The following LRFN2 variants were observed in gnomAD, a reference collection of about 807,000 sequenced individuals.
LRFN2 encodes the protein leucine rich repeat and fibronectin type III domain containing 2.
In LRFN2, 18 loss-of-function variants were observed where a neutral mutation model predicts 37.3. The observed-to-expected ratio is 0.48, with a 90% CI of 0.33 to 0.72. The LOEUF (loss-of-function observed/expected upper bound fraction) is 0.72, where lower values mean the gene tolerates loss of function less well. Ranked by LOEUF, LRFN2 falls within the 30% of genes least tolerant of loss-of-function variation. The pLI is 0.02. For synonymous variants in LRFN2, 556 were observed against 466.6 expected (o/e 1.19, Z -2.47); for missense variants, 1,006 against 1,060.7 (o/e 0.95, Z 0.72).
chr6:40,451,814 G>A (rs1383715900), intron 1 of LRFN2, among the ~76,000 whole-genome samples: 1 of 152,190 alleles, frequency 6.6e-6, no homozygotes, highest in Non-Finnish European at 1.5e-5. Flanking sequence ...GAGACCCAAA[G>A]TACAAAACAA....
chr6:40,570,227 A>G (rs1203927263), intron 1 of LRFN2, among the ~76,000 whole-genome samples: 1 of 152,160 alleles, frequency 6.6e-6, no homozygotes, highest in Non-Finnish European at 1.5e-5. Context: ...CCAATCATCA[A>G]ATATTTATTG....
chr6:40,572,801 G>C (rs1378263933), intron 1 of LRFN2, among the ~76,000 whole-genome samples: 6 of 152,198 alleles, frequency 3.9e-5, no homozygotes, highest in Non-Finnish European at 5.9e-5. Context: ...GAACCCTGGG[G>C]CTGCTGGTGG....
chr6:40,490,974 G>T (rs1237129713), intron 1 of LRFN2, among the ~76,000 whole-genome samples: 7 of 152,216 alleles, frequency 4.6e-5, no homozygotes, highest in South Asian at 2.1e-4. Context: ...TATGTGCATG[G>T]TGTGCAGGAG....
chr6:40,453,828 C>T (rs181787646), intron 1 of LRFN2, among the ~76,000 whole-genome samples: 159 of 152,292 alleles, frequency 1.0e-3, no homozygotes, highest in African/African-American at 3.6e-3. Flanking sequence ...AATTTCAAGG[C>T]TCTTTCGGAT....
intron 1 of LRFN2, among the ~76,000 whole-genome samples, chr6:40,454,124 A>T (rs1561862565): frequency 6.6e-6 from 1 of 152,188 alleles, no homozygotes; most frequent in Non-Finnish European, 1.5e-5. Flanking sequence ...AATCTTATGG[A>T]TAATTAAGGA....
intron 2 of LRFN2, among the ~76,000 whole-genome samples, chr6:40,415,715 C>CAGGAGGGCAGAA (rs1763079785): frequency 3.3e-5 from 5 of 152,188 alleles, no homozygotes. Flanking sequence ...ATGCGAGTTG[C>CAGGAGGGCAGAA]AGGAGGGCAG....
intron 2 of LRFN2, among the ~76,000 whole-genome samples, chr6:40,405,031 C>T (rs1762812860): frequency 6.6e-6 from 1 of 152,208 alleles, no homozygotes; most frequent in Non-Finnish European, 1.5e-5. Context: ...CCTTGCCTTC[C>T]CCACAGTCCT....
chr6:40,417,053 G>A (rs1763109570), intron 2 of LRFN2, among the ~76,000 whole-genome samples: 1 of 152,096 alleles, frequency 6.6e-6, no homozygotes, highest in Non-Finnish European at 1.5e-5. Context: ...CTTCCTTCCA[G>A]CCCCCGGCCC....
At chr6:40,560,495 G>T (rs1002238725) in intron 1 of LRFN2, among the ~76,000 whole-genome samples, 2 of 152,172 alleles carry the variant, frequency 1.3e-5, no homozygotes, top group Non-Finnish European at 2.9e-5. Context: ...AGGCTCTGTA[G>T]TAGTTGCTGG....
chr6:40,574,140 G>A (rs1161255524), intron 1 of LRFN2, among the ~76,000 whole-genome samples: 1 of 152,108 alleles, frequency 6.6e-6, no homozygotes, highest in African/African-American at 2.4e-5. Flanking sequence ...AAAGTAGTTG[G>A]GAGACAAAAT....
intron 1 of LRFN2, among the ~76,000 whole-genome samples, chr6:40,477,935 C>T (rs1018825478): frequency 2.6e-5 from 4 of 152,122 alleles, no homozygotes; most frequent in African/African-American, 7.2e-5. Context: ...ACATGCACAC[C>T]GGATGTAACA....
rs1029004009 is a variant in LRFN2, at chr6:40,470,483, A to G, written c.-18-37352T>C. Among the ~76,000 whole-genome samples the G allele has an allele frequency of 3.3e-5, 5 of 152,144 alleles. No homozygotes were observed. The South Asian group carries it at 1.0e-3, about 32-fold the overall frequency. Reference sequence around the variant, plus strand: ...AAATCAGCTGGGCATGGTGGCATGCACCTGTAGTCCCAGCTACTTGGGAGG... The same window carrying G: ...AAATCAGCTGGGCATGGTGGCATGCGCCTGTAGTCCCAGCTACTTGGGAGG... On this transcript the variant is annotated intron_variant, in intron 1 of 2. Coordinates refer to ENST00000338305, the MANE Select transcript of LRFN2 (RefSeq NM_020737.3).
chr6:40,465,831 GAGA>G (rs1290850902), intron 1 of LRFN2, among the ~76,000 whole-genome samples: 2 of 152,164 alleles, frequency 1.3e-5, no homozygotes, highest in African/African-American at 4.8e-5. Flanking sequence ...TGTCCACCCA[GAGA>G]AGAACAGCAG....
intron 1 of LRFN2, among the ~76,000 whole-genome samples, chr6:40,476,227 C>T (rs1764706536): frequency 6.6e-6 from 1 of 152,208 alleles, no homozygotes; most frequent in Admixed American, 6.5e-5. Flanking sequence ...CCTTTTCCCC[C>T]TCCCCACATT....
chr6:40,582,157 G>A (rs1421912193), intron 1 of LRFN2, among the ~76,000 whole-genome samples: 1 of 152,122 alleles, frequency 6.6e-6, no homozygotes, highest in Non-Finnish European at 1.5e-5. Flanking sequence ...ACACCAAAAT[G>A]GGGTAGAGGA....
chr6:40,569,575 C>A (rs1260243509), intron 1 of LRFN2, among the ~76,000 whole-genome samples: 2 of 152,154 alleles, frequency 1.3e-5, no homozygotes, highest in Admixed American at 6.5e-5. Flanking sequence ...AGGTGTAATG[C>A]CGCACTGCCC....
At chr6:40,467,486 G>T (rs1187314611) in intron 1 of LRFN2, among the ~76,000 whole-genome samples, 1 of 152,128 alleles carries the variant, frequency 6.6e-6, no homozygotes, top group East Asian at 1.9e-4. Flanking sequence ...ACATCTCAGT[G>T]GCACAGACAT....
chr6:40,512,913 GGA>G (rs1765753705), intron 1 of LRFN2, among the ~76,000 whole-genome samples: 2 of 152,246 alleles, frequency 1.3e-5, no homozygotes, highest in Non-Finnish European at 2.9e-5. Context: ...CTCCAGGGCA[GGA>G]TGGGGTTAGG....
intron 1 of LRFN2, among the ~76,000 whole-genome samples, chr6:40,537,990 C>T (rs1766482817): frequency 6.6e-6 from 1 of 152,088 alleles, no homozygotes; most frequent in South Asian, 2.1e-4. Context: ...CCTGTGGCTC[C>T]AGCTTCAGCT....
Sources: gnomAD v4.1 joint callset for allele counts (sites outside exome capture counted in the v4.1 genomes callset) on GRCh38, gnomAD v4.1.1 for gene constraint, MANE v1.5 for transcripts, NCBI Gene and HGNC (gene_info 2026-07-23, HGNC 2026-07-21) for gene names.